The following UNC13C variants were observed in gnomAD, a reference collection of about 807,000 sequenced individuals.
UNC13C encodes unc-13 homolog C.
A neutral mutation model predicts 245.4 loss-of-function variants in UNC13C; 174 were observed. The observed-to-expected ratio is 0.71, with a 90% CI of 0.63 to 0.80. The LOEUF is 0.80. Among genes scored for constraint, UNC13C ranks in the 30% least tolerant of loss-of-function variants. The probability of loss-of-function intolerance (pLI) is 0.00; values close to 1 mark genes in which losing one functional copy is unlikely to be tolerated. For synonymous variants in UNC13C, 992 were observed against 895.1 expected, an observed-to-expected ratio of 1.11 and a Z score of -1.93; for missense variants, 2,829 against 2,602.9, an observed-to-expected ratio of 1.09 and a Z score of -1.89.
chr15:54,396,643 A>C (rs1338992319), intron 18 of UNC13C, among the ~76,000 whole-genome samples: 1 of 151,508 alleles, frequency 6.6e-6, no homozygotes, highest in Non-Finnish European at 1.5e-5. Flanking sequence ...CTTAATATTA[A>C]AACTGCCAAA....
chr15:54,020,425 C>T (rs1013701960), intron 2 of UNC13C, among the ~76,000 whole-genome samples: 6 of 147,970 alleles, frequency 4.1e-5, no homozygotes, highest in African/African-American at 1.5e-4. Flanking sequence ...CAGGCATGCA[C>T]CACCACGCCC....
the UNC13C span, among the ~76,000 whole-genome samples, chr15:53,882,231 T>C: frequency 6.6e-6 from 1 of 152,246 alleles, no homozygotes; most frequent in Non-Finnish European, 1.5e-5. Context: ...TGAATGTTTT[T>C]GGTTTATGAA....
chr15:54,055,127 T>G (rs8024845), intron 2 of UNC13C, among the ~76,000 whole-genome samples: 60,979 of 152,066 alleles, frequency 0.4, 13,202 homozygotes, highest in African/African-American at 0.59. Context: ...GCAAATTGAT[T>G]AGATAAAACT....
chr15:54,303,162 G>C (rs1057173421), intron 13 of UNC13C, among the ~76,000 whole-genome samples: 1 of 152,090 alleles, frequency 6.6e-6, no homozygotes, highest in African/African-American at 2.4e-5. Flanking sequence ...CAGTAATAGG[G>C]AGCTCACTAC....
At chr15:54,611,123 T>C (rs904858692) in intron 30 of UNC13C, among the ~76,000 whole-genome samples, 2 of 152,142 alleles carry the variant, frequency 1.3e-5, no homozygotes, top group Non-Finnish European at 2.9e-5. Context: ...TCAGTAGTGT[T>C]GGTCAGAGTG....
chr15:53,851,381 T>A, the UNC13C span, among the ~76,000 whole-genome samples: 1 of 152,200 alleles, frequency 6.6e-6, no homozygotes, highest in Non-Finnish European at 1.5e-5. Context: ...TAACAGGAGC[T>A]ACCTTTACTT....
At chr15:54,016,471 G>A (rs1159028037) in intron 2 of UNC13C, among the ~76,000 whole-genome samples, 1 of 152,140 alleles carries the variant, frequency 6.6e-6, no homozygotes, top group East Asian at 1.9e-4. Flanking sequence ...GAGCAATAGA[G>A]CCAAGGCCCT....
chr15:54,269,715 C>T (rs993656742), intron 10 of UNC13C, among the ~76,000 whole-genome samples: 1 of 152,130 alleles, frequency 6.6e-6, no homozygotes, highest in Non-Finnish European at 1.5e-5. Flanking sequence ...CACAGAAGTA[C>T]ACACCGGAAT....
intron 19 of UNC13C, among the ~76,000 whole-genome samples, chr15:54,486,307 G>A (rs2141073013): frequency 7.2e-6 from 1 of 139,526 alleles, no homozygotes; most frequent in East Asian, 2.2e-4. Flanking sequence ...TGTGGTGGCG[G>A]GCGCTTGTAA....
the UNC13C span, among the ~76,000 whole-genome samples, chr15:53,851,601 T>C: frequency 1.3e-5 from 2 of 152,170 alleles, no homozygotes; most frequent in Non-Finnish European, 2.9e-5. Flanking sequence ...AACCTGATTG[T>C]GGGTCATAAA....
chr15:54,199,064 A>G (rs996067410), intron 4 of UNC13C, among the ~76,000 whole-genome samples: 10 of 152,100 alleles, frequency 6.6e-5, no homozygotes, highest in African/African-American at 2.2e-4. Flanking sequence ...ACTCTCAGCA[A>G]TAGAATCAAA....
rs760924641 is a variant in UNC13C at position 54,235,085 on chromosome 15, A to T, written c.3127A>T (p.Thr1043Ser). ...DSMPDLRRKK[T>S]LPIVRDVAMT... ...CATGCCGGATCTTCGCAGAAAAAAA[A>T]CTTTGCCTATTGTCCGAGATGTGGT... The change falls in exon 5 of 33, where the codon ACT becomes TCT. Residue 1043 changes from threonine (T) to serine (S), a missense_variant. Coordinates refer to ENST00000260323, the MANE Select transcript of UNC13C (RefSeq NM_001080534.3). 37 of 1,613,802 alleles carry T rather than the reference A, an allele frequency of 2.3e-5. No individual in the cohort carries two copies. The African/African-American group carries it at 4.1e-4, about 18-fold the overall frequency.
the UNC13C span, among the ~76,000 whole-genome samples, chr15:53,863,291 A>G: frequency 6.6e-6 from 1 of 152,174 alleles, no homozygotes; most frequent in Non-Finnish European, 1.5e-5. Context: ...CTGGGGCGGC[A>G]GAGTCATCCC....
At chr15:54,469,655 C>T (rs1596438983) in intron 19 of UNC13C, among the ~76,000 whole-genome samples, 1 of 151,532 alleles carries the variant, frequency 6.6e-6, no homozygotes, top group East Asian at 1.9e-4. Context: ...TATGTGGGTT[C>T]AGGGTAGTAC....
intron 30 of UNC13C, 58 bp downstream of exon 30, chr15:54,568,005 C>T: frequency 1.5e-6 from 2 of 1,294,632 alleles, no homozygotes; most frequent in Non-Finnish European, 2.0e-6. Flanking sequence ...TAAAATTTAA[C>T]ATCAGAATTA....
chr15:54,546,481 AT>A (rs1896485780), intron 26 of UNC13C, among the ~76,000 whole-genome samples: 1 of 152,156 alleles, frequency 6.6e-6, no homozygotes, highest in Non-Finnish European at 1.5e-5. Context: ...GAAAAAAGTT[AT>A]TTATCTTTCC....
At chr15:54,066,059 C>T (rs190955703) in intron 2 of UNC13C, among the ~76,000 whole-genome samples, 8 of 152,308 alleles carry the variant, frequency 5.3e-5, no homozygotes, top group African/African-American at 1.9e-4. Context: ...TTTGATATTA[C>T]TTCAGCAGTT....
intron 4 of UNC13C, among the ~76,000 whole-genome samples, chr15:54,172,707 T>TAG (rs1567066979): frequency 6.7e-4 from 27 of 40,160 alleles, no homozygotes; most frequent in South Asian, 1.2e-3. Flanking sequence ...CACACAGATA[T>TAG]ATATATATAT....
At chr15:54,419,509 T>C (rs1158435029) in intron 19 of UNC13C, among the ~76,000 whole-genome samples, 2 of 152,164 alleles carry the variant, frequency 1.3e-5, no homozygotes, top group African/African-American at 2.4e-5. Context: ...GAAATGAGTT[T>C]CCAAAAGCCC....
Sources: allele counts gnomAD v4.1 joint callset (sites outside exome capture counted in the v4.1 genomes callset), GRCh38; gene constraint gnomAD v4.1.1; transcripts MANE v1.5; gene names NCBI Gene and HGNC (gene_info 2026-07-23, HGNC 2026-07-21).